Variants in PTPN2 observed in about 807,000 individuals in gnomAD.
PTPN2 encodes the protein tyrosine-protein phosphatase non-receptor type 2.
A neutral mutation model predicts 57.3 loss-of-function variants in PTPN2; 19 were observed. The ratio of observed to expected loss-of-function variants is 0.33; its 90% CI spans 0.23 to 0.49. The LOEUF is 0.49. Ranked by LOEUF, PTPN2 falls within the 20% of genes least tolerant of loss-of-function variation. The probability of loss-of-function intolerance (pLI) is 0.99; values close to 1 mark genes in which losing one functional copy is unlikely to be tolerated. For missense variants in PTPN2, 358 were observed against 501.1 expected, an observed-to-expected ratio of 0.71 and a Z score of 2.73; for synonymous variants, 153 against 164.9, an observed-to-expected ratio of 0.93 and a Z score of 0.55.
intron 1 of PTPN2, among the ~76,000 whole-genome samples, chr18:12,883,437 C>T (rs2044734370): frequency 2.0e-5 from 3 of 152,180 alleles, no homozygotes; most frequent in Non-Finnish European, 2.9e-5. Context: ...ACGAGCCACC[C>T]CCAACCACCG....
chr18:12,863,053 A>G (rs906029739), intron 1 of PTPN2: 1 of 152,212 alleles, frequency 6.6e-6, no homozygotes, highest in African/African-American at 2.4e-5. Context: ...GTATCTGTCT[A>G]AATGGCATTA....
intron 5 of PTPN2, chr18:12,818,955 A>C (rs1300122588): frequency 9.5e-6 from 2 of 210,300 alleles, no homozygotes; most frequent in Non-Finnish European, 1.9e-5. Flanking sequence ...TTATCTGGGC[A>C]TAGAGGTGCA....
At chr18:12,864,478 C>G (rs1482827546) in intron 1 of PTPN2, among the ~76,000 whole-genome samples, 1 of 152,012 alleles carries the variant, frequency 6.6e-6, no homozygotes, top group Non-Finnish European at 1.5e-5. Context: ...TCACTGCAAC[C>G]TCAGCCTCCA....
chr18:12,849,628 C>A (rs1413009175), intron 2 of PTPN2, among the ~76,000 whole-genome samples: 1 of 151,984 alleles, frequency 6.6e-6, no homozygotes, highest in African/African-American at 2.4e-5. Context: ...CTGAAATAAA[C>A]TTAATGTGAA....
rs2041068564 is a variant in PTPN2, at chr18:12,794,014, T to C, written c.*264A>G. ...GGTGAAATACTGTGTTTGACATGTA[T>C]GAATACAGTTGCAAAATTTACCAGT... is the stretch of plus-strand genomic sequence containing the variant. On this transcript the variant is annotated 3_prime_UTR_variant, in exon 9 of 9. Transcript: ENST00000309660. 1 of 1,347,266 alleles carries C rather than the reference T, an allele frequency of 7.4e-7. No individual in the cohort carries two copies. The highest frequency in any genetic ancestry group is 3.0e-5 in the East Asian group (1 of 33,492). The allele number at this position is 1,347,266 out of a possible 1,614,324, so 83.5% of individuals were successfully genotyped here. A position where few individuals can be genotyped will look rare whatever the true frequency, so the allele number is the denominator to read the frequency against.
intron 1 of PTPN2, among the ~76,000 whole-genome samples, chr18:12,874,142 G>A (rs560728275): frequency 2.6e-5 from 4 of 152,032 alleles, no homozygotes; most frequent in Admixed American, 6.5e-5. Flanking sequence ...CAGCCGCCCC[G>A]TCCAGGAGGG....
chr18:12,793,462 AGTCTT>A lies in PTPN2; in HGVS notation c.*811_*815del. ...TTTACAGAAACCAATTTCTTTACAA[AGTCTT>A]GACCAACTGTTTACCTGACTATCCC... On this transcript the variant is annotated 3_prime_UTR_variant, in exon 9 of 9. Coordinates refer to ENST00000309660, the MANE Select transcript of PTPN2 (RefSeq NM_002828.4). 1.0e-6 allele frequency: 1 copy of A among 976,722 alleles called. No individual in the cohort carries two copies. Among genetic ancestry groups the A allele is most frequent in the Non-Finnish European group, 1.2e-6 (1 of 821,516 alleles). The allele number at this position is 976,722 out of a possible 1,614,324, so 60.5% of individuals were successfully genotyped here.
In PTPN2 at chr18:12,851,238, G is replaced by C. The variant is rs1264745517; in HGVS notation, c.160+7926C>G. On this transcript the variant is annotated intron_variant, in intron 2 of 8. Coordinates refer to ENST00000309660, the MANE Select transcript of PTPN2 (RefSeq NM_002828.4). ...CTCACGCCTGTAATCCCAGCACTTT[G>C]GGAGGCCGAGGCGGGTGGATCATGA... Among the ~76,000 whole-genome samples, 2 of 8,732 alleles carry C rather than the reference G, an allele frequency of 2.3e-4. 1 individual carries two copies. The highest frequency in any genetic ancestry group is 1.1e-3 in the Non-Finnish European group (2 of 1,740). The allele number at this position is 8,732 out of a possible 152,430, so 5.7% of individuals were successfully genotyped here. A position where few individuals can be genotyped will look rare whatever the true frequency, so the allele number is the denominator to read the frequency against.
Position 12,836,817 on chromosome 18 carries a change from C to G in PTPN2, c.235G>C (p.Ala79Pro). ...TGTGTTAAGATGTAACTCCTTTGTG[C>G]CTCTTCTATGTCAACTAAACTGGCA... ...INASLVDIEE[A>P]QRSYILTQGP... The change falls in exon 3 of 9, where the codon GCA becomes CCA. Residue 79 changes from alanine to proline, a missense_variant. Physicochemically the swap from Ala to Pro is conservative, Grantham distance 27. Transcript: ENST00000309660. 1 of 1,608,442 alleles carries G rather than the reference C, an allele frequency of 6.2e-7. No homozygotes were observed. The highest frequency in any genetic ancestry group is 8.5e-7 in the Non-Finnish European group (1 of 1,176,966).
chr18:12,797,578 T>C (rs1035733368), intron 8 of PTPN2, among the ~76,000 whole-genome samples: 1 of 152,188 alleles, frequency 6.6e-6, no homozygotes, highest in Non-Finnish European at 1.5e-5. Context: ...AAGGCATGCC[T>C]GTATCTAATT....
chr18:12,875,932 T>C (rs1052337622), intron 1 of PTPN2, among the ~76,000 whole-genome samples: 36 of 152,204 alleles, frequency 2.4e-4, no homozygotes, highest in African/African-American at 8.4e-4. Flanking sequence ...TTTAAGATTC[T>C]GGTTGGCCAA....
chr18:12,854,738 A>G (rs566469658), intron 2 of PTPN2, among the ~76,000 whole-genome samples: 1 of 152,340 alleles, frequency 6.6e-6, no homozygotes, highest in African/African-American at 2.4e-5. Flanking sequence ...TCCAAGTGTT[A>G]CAGTGAGAAG....
chr18:12,800,634 A>C (rs1255445673), intron 8 of PTPN2, among the ~76,000 whole-genome samples: 1 of 152,170 alleles, frequency 6.6e-6, no homozygotes, highest in Non-Finnish European at 1.5e-5. Context: ...TCAGGTATTT[A>C]ATTTTTATAT....
At chr18:12,819,551 C>T (rs538602096) in intron 5 of PTPN2, among the ~76,000 whole-genome samples, 13 of 151,796 alleles carry the variant, frequency 8.6e-5, no homozygotes, top group African/African-American at 2.7e-4. Context: ...GTGACAGAAC[C>T]GATCTATGTT....
chr18:12,823,824 C>T lies in PTPN2; in HGVS notation c.495+1986G>A, dbSNP rs564271855. Among the ~76,000 whole-genome samples the T allele has an allele frequency of 1.8e-3, 280 of 152,250 alleles. 1 individual carries two copies. Among genetic ancestry groups the T allele is most frequent in the African/African-American group, 6.4e-3 (266 of 41,538 alleles). ...ATAATAAGAATATTTACACTATCTA[C>T]ACTAACTGAAGACTACTGGTCAGAT... On this transcript the variant is annotated intron_variant, in intron 5 of 8. Coordinates refer to ENST00000309660, the MANE Select transcript of PTPN2 (RefSeq NM_002828.4).
intron 4 of PTPN2, among the ~76,000 whole-genome samples, chr18:12,830,224 A>C (rs1377158269): frequency 6.6e-6 from 1 of 151,882 alleles, no homozygotes; most frequent in Non-Finnish European, 1.5e-5. Context: ...ATCTCGGCTC[A>C]CTGCAACCTC....
At chr18:12,847,075 AGGAATTCACAATGTAATAGGAC>A (rs2043235769) in intron 2 of PTPN2, among the ~76,000 whole-genome samples, 1 of 152,220 alleles carries the variant, frequency 6.6e-6, no homozygotes, top group African/African-American at 2.4e-5. Context: ...TCATCTGTTA[AGGAATTCACAATGTAATAGGAC>A]AGAAAGGTGA....
intron 8 of PTPN2, among the ~76,000 whole-genome samples, chr18:12,800,865 G>C (rs1232401041): frequency 2.0e-5 from 3 of 152,202 alleles, no homozygotes; most frequent in Non-Finnish European, 4.4e-5. Flanking sequence ...TAATCTGTGA[G>C]AGACAGTCTT....
chr18:12,884,051 G>A, intron 1 of PTPN2, 22 bp downstream of exon 1: 1 of 1,557,270 alleles, frequency 6.4e-7, no homozygotes. Context: ...GTCGGCGACT[G>A]CCGCGTGGGT....
Sources: gnomAD v4.1 joint callset for allele counts (sites outside exome capture counted in the v4.1 genomes callset) on GRCh38, gnomAD v4.1.1 for gene constraint, MANE v1.5 for transcripts, NCBI Gene and HGNC (gene_info 2026-07-23, HGNC 2026-07-21) for gene names.